Variants in TUSC3 observed in about 807,000 individuals in gnomAD.
TUSC3 encodes dolichyl-diphosphooligosaccharide--protein glycosyltransferase subunit TUSC3.
A neutral mutation model predicts 44.8 loss-of-function variants in TUSC3; 45 were observed. That is an observed-to-expected ratio of 1.00 (90% CI 0.79 to 1.29). TUSC3 has a LOEUF of 1.29. Ranked by LOEUF, TUSC3 falls within the 50% of genes most tolerant of loss-of-function variation. The probability of loss-of-function intolerance (pLI) is 0.00; values close to 1 mark genes in which losing one functional copy is unlikely to be tolerated. For synonymous variants in TUSC3, 212 were observed against 152.9 expected, an observed-to-expected ratio of 1.39 and a Z score of -2.85; for missense variants, 519 against 437.9, an observed-to-expected ratio of 1.19 and a Z score of -1.65.
chr8:15,758,563 G>C (rs1812032931), intron 10 of TUSC3, among the ~76,000 whole-genome samples: 1 of 151,896 alleles, frequency 6.6e-6, no homozygotes, highest in Non-Finnish European at 1.5e-5. Flanking sequence ...ATTCCATTGT[G>C]GTAATACAGC....
At chr8:15,517,366 C>T (rs188254424) in intron 2 of TUSC3, among the ~76,000 whole-genome samples, 2 of 152,088 alleles carry the variant, frequency 1.3e-5, no homozygotes, top group African/African-American at 4.8e-5. Flanking sequence ...CCGATCTTTG[C>T]TATTGTATTG....
intron 1 of TUSC3, among the ~76,000 whole-genome samples, chr8:15,583,833 GA>G: frequency 6.6e-6 from 1 of 152,022 alleles, no homozygotes; most frequent in African/African-American, 2.4e-5. Flanking sequence ...CCTAAAACCA[GA>G]AAAAAACCAC....
At position 15,754,178 on chromosome 8, in the gene TUSC3, C is replaced by T. The variant is rs182375309; in HGVS notation, c.1029-3613C>T. On this transcript the variant is annotated intron_variant, in intron 9 of 10. Coordinates refer to ENST00000503731, the MANE Select transcript of TUSC3 (RefSeq NM_006765.4). ...AAGAATTATTCTAGAAAGAGGAAAA[C>T]GCACAACACATACTCCCGAAGGTAT... Among the ~76,000 whole-genome samples the T allele has an allele frequency of 7.2e-5, 11 of 152,128 alleles. No homozygotes were observed. In the South Asian group the frequency reaches 8.3e-4, roughly 11 times the overall value.
At chr8:15,800,152 C>T in the TUSC3 span, among the ~76,000 whole-genome samples, 2 of 152,158 alleles carry the variant, frequency 1.3e-5, no homozygotes, top group African/African-American at 4.8e-5. Context: ...AATGGATAGT[C>T]CAGAACACAG....
At chr8:15,598,762 A>G (rs535453692) in intron 1 of TUSC3, among the ~76,000 whole-genome samples, 30 of 151,646 alleles carry the variant, frequency 2.0e-4, no homozygotes, top group Non-Finnish European at 3.7e-4. Flanking sequence ...ATGTTTTTTC[A>G]TGGTTTGATA....
chr8:15,565,881 C>G (rs941684789), intron 1 of TUSC3, among the ~76,000 whole-genome samples: 2 of 152,058 alleles, frequency 1.3e-5, no homozygotes, highest in Non-Finnish European at 1.5e-5. Flanking sequence ...TGGCTCTGTA[C>G]TATTATATGG....
chr8:15,837,788 T>G, the TUSC3 span, among the ~76,000 whole-genome samples: 1 of 152,196 alleles, frequency 6.6e-6, no homozygotes. Flanking sequence ...CATTTTCTGG[T>G]GAGTATTCTT....
chr8:15,482,550 T>A (rs1207419597), intron 1 of TUSC3, among the ~76,000 whole-genome samples: 2 of 152,202 alleles, frequency 1.3e-5, no homozygotes, highest in East Asian at 3.9e-4. Flanking sequence ...TCATTGACAA[T>A]GTACTCAATC....
Position 15,623,243 on chromosome 8 carries a change from T to C in TUSC3, c.302T>C (p.Val101Ala). The change falls in exon 2 of 11, where the codon GTG (valine) becomes GCG (alanine). Residue 101 changes from valine (V) to alanine (A), a missense_variant. Transcript: ENST00000503731. ...CTTCAGCCTCAGCGGCAGTGTTCTG[T>C]GTGCAGGTAATTTATGTAATTAAAA... ...TALQPQRQCSVCRQANEEYQI... is the reference protein window; with the variant it reads ...TALQPQRQCSACRQANEEYQI... The C allele has an allele frequency of 1.3e-6, 2 of 1,594,206 alleles. No homozygotes were observed. The highest frequency in any genetic ancestry group is 1.7e-6 in the Non-Finnish European group (2 of 1,171,224).
chr8:15,654,584 A>T (rs1434498525), intron 3 of TUSC3, among the ~76,000 whole-genome samples: 1 of 152,118 alleles, frequency 6.6e-6, no homozygotes, highest in African/African-American at 2.4e-5. Flanking sequence ...AAGGTTTATG[A>T]AAATAATATT....
intron 6 of TUSC3, among the ~76,000 whole-genome samples, chr8:15,684,035 G>T (rs904056423): frequency 2.0e-5 from 3 of 149,474 alleles, no homozygotes; most frequent in African/African-American, 7.4e-5. Context: ...AGAGATAAGG[G>T]CCTGAAAATA....
chr8:15,775,402 G>T, the TUSC3 span, among the ~76,000 whole-genome samples: 2 of 151,938 alleles, frequency 1.3e-5, no homozygotes, highest in African/African-American at 4.8e-5. Context: ...TATTGTGAAT[G>T]TACTTCATGC....
intron 6 of TUSC3, among the ~76,000 whole-genome samples, chr8:15,720,696 A>G (rs1810269717): frequency 1.3e-5 from 2 of 152,226 alleles, no homozygotes; most frequent in East Asian, 1.9e-4. Context: ...TTTAGGGGAA[A>G]TGTCATTCTT....
At chr8:15,446,860 A>T (rs1800111882) in intron 1 of TUSC3, among the ~76,000 whole-genome samples, 1 of 151,508 alleles carries the variant, frequency 6.6e-6, no homozygotes, top group African/African-American at 2.4e-5. Flanking sequence ...AGAGAAAAAA[A>T]ATGGAGATGA....
Position 15,650,725 on chromosome 8 carries a change from G to C in TUSC3, c.337G>C (p.Ala113Pro). The C allele has an allele frequency of 6.2e-7, 1 of 1,614,022 alleles. No homozygotes were observed. Among genetic ancestry groups the C allele is most frequent in the East Asian group, 2.2e-5 (1 of 44,862 alleles). The change falls in exon 3 of 11, where the codon GCG (alanine) becomes CCG (proline). Residue 113 changes from alanine to proline, a missense_variant. Ala to Pro is a conservative substitution (Grantham distance 27). Coordinates refer to ENST00000503731, the MANE Select transcript of TUSC3 (RefSeq NM_006765.4). ...RQANEEYQIL[A>P]NSWRYSSAFC... ...AGCTAATGAAGAATATCAAATACTGGCGAACTCCTGGCGCTATTCATCTGC... is the reference window on the plus strand; with the variant it reads ...AGCTAATGAAGAATATCAAATACTGCCGAACTCCTGGCGCTATTCATCTGC...
the TUSC3 span, among the ~76,000 whole-genome samples, chr8:15,821,281 A>G: frequency 6.6e-6 from 1 of 150,982 alleles, no homozygotes; most frequent in Non-Finnish European, 1.5e-5. Flanking sequence ...CCTGTTTGTA[A>G]TATGTCTCTT....
At chr8:15,690,627 G>A (rs1051704988) in intron 6 of TUSC3, among the ~76,000 whole-genome samples, 2 of 151,944 alleles carry the variant, frequency 1.3e-5, no homozygotes, top group African/African-American at 2.4e-5. Context: ...GAGTTTTATC[G>A]TTTTGTTTTT....
chr8:15,701,752 T>A (rs1261120491), intron 6 of TUSC3, among the ~76,000 whole-genome samples: 1 of 152,098 alleles, frequency 6.6e-6, no homozygotes, highest in African/African-American at 2.4e-5. Context: ...ACAGGCAGCT[T>A]ATGTGGATTA....
Position 15,682,520 on chromosome 8 carries a change from G to A in TUSC3, c.798+8684G>A, listed in dbSNP as rs369148957. On this transcript the variant is annotated intron_variant, in intron 6 of 10. Transcript: ENST00000503731. Reference sequence around the variant, plus strand: ...TGGTTTTTCATTTGAGTGTTAGATCGTTTTCCATTACTTTGAGCCTGTGAG... The same window carrying A: ...TGGTTTTTCATTTGAGTGTTAGATCATTTTCCATTACTTTGAGCCTGTGAG... 1.5e-4 allele frequency among the ~76,000 whole-genome samples: 23 copies of A among 152,048 alleles called. No individual in the cohort carries two copies. The East Asian group carries it at 3.3e-3, about 22-fold the overall frequency.
Sources: allele counts gnomAD v4.1 joint callset (sites outside exome capture counted in the v4.1 genomes callset), GRCh38; gene constraint gnomAD v4.1.1; transcripts MANE v1.5; gene names NCBI Gene and HGNC (gene_info 2026-07-23, HGNC 2026-07-21).